Variants in ZNF48 observed in about 807,000 individuals in gnomAD.
ZNF48 encodes the protein zinc finger protein 553.
In ZNF48, 20 loss-of-function variants were observed where a neutral mutation model predicts 40.0. That is an observed-to-expected ratio of 0.50 (90% CI 0.35 to 0.73). ZNF48 has a LOEUF of 0.73. Ranked by LOEUF, ZNF48 falls within the 30% of genes least tolerant of loss-of-function variation. The pLI is 0.01. For synonymous variants in ZNF48, 298 were observed against 329.7 expected (o/e 0.90, Z 1.04); for missense variants, 726 against 851.9 (o/e 0.85, Z 1.84).
intron 1 of ZNF48, chr16:30,379,031 GATCGCGAGCCCC>G (rs2049799278): frequency 6.2e-7 from 1 of 1,612,666 alleles, no homozygotes. Flanking sequence ...CGGCTGGCTC[GATCGCGAGCCCC>G]AGGCCGGGCC....
rs2049864946 is a variant in ZNF48, at chr16:30,382,511, GTGTA to G, written c.-16+4102_-16+4105del. The G allele has an allele frequency of 1.9e-6, 3 of 1,597,386 alleles. No individual in the cohort carries two copies. Among genetic ancestry groups the G allele is most frequent in the African/African-American group, 2.7e-5 (2 of 74,698 alleles). On this transcript the variant is annotated intron_variant, in intron 1 of 2. Coordinates refer to the ZNF48 transcript ENST00000528032. The surrounding 1 kb of genome is among the most constrained non-coding windows in gnomAD (Gnocchi z 4.8). Reference sequence around the variant, plus strand: ...GGGGCCGAGATGCCCAGGTTTCTGGGTGTAAGGACTCACCATGACTCCGCCAGCC... The same window carrying G: ...GGGGCCGAGATGCCCAGGTTTCTGGGAGGACTCACCATGACTCCGCCAGCC...
intron 1 of ZNF48, chr16:30,379,301 C>T: frequency 6.8e-7 from 1 of 1,463,564 alleles, no homozygotes; most frequent in Non-Finnish European, 9.4e-7. Flanking sequence ...CCGCGGTCTG[C>T]AGCCCAGCGA....
Position 30,399,987 on chromosome 16 carries a change from T to G in ZNF48, c.*880T>G, listed in dbSNP as rs924488358. The G allele has an allele frequency of 6.6e-6, 1 of 152,252 alleles. No individual in the cohort carries two copies. Among genetic ancestry groups the G allele is most frequent in the Non-Finnish European group, 1.5e-5 (1 of 68,080 alleles). The allele number at this position is 152,252 out of a possible 1,614,324, so 9.4% of individuals were successfully genotyped here. A position where few individuals can be genotyped will look rare whatever the true frequency, so the allele number is the denominator to read the frequency against. On this transcript the variant is annotated 3_prime_UTR_variant, in exon 3 of 3. Transcript: ENST00000613509. ...CTTCTCTTCTGAGGCTTGGACAGTG[T>G]GTGTGTACACACAGGCATGAAAAAG...
In ZNF48 at chr16:30,399,124, C is replaced by G. The variant is rs4788413; in HGVS notation, c.*17C>G. On this transcript the variant is annotated 3_prime_UTR_variant, in exon 3 of 3. Coordinates refer to ENST00000613509, the MANE Select transcript of ZNF48 (RefSeq NM_001214909.2). ...CTGGAATGACGCGGTCCAGGGAGGG[C>G]GGAGGCCCAGGAGACCAAAGGGAGG... is the stretch of plus-strand genomic sequence containing the variant. The G allele has an allele frequency of 1.3e-6, 2 of 1,538,954 alleles. No homozygotes were observed. Among genetic ancestry groups the G allele is most frequent in the South Asian group, 1.2e-5 (1 of 81,430 alleles).
At chr16:30,392,216 G>C (rs1478364813), upstream of ZNF48, among the ~76,000 whole-genome samples, 1 of 152,068 alleles carries the variant, frequency 6.6e-6, no homozygotes, top group African/African-American at 2.4e-5. Flanking sequence ...GTAGAGACGG[G>C]GTTTCACTGT....
At chr16:30,386,266 G>A (rs184444105) in intron 1 of ZNF48, among the ~76,000 whole-genome samples, 16 of 152,122 alleles carry the variant, frequency 1.1e-4, no homozygotes, top group Admixed American at 9.2e-4. Context: ...GTGACAGAGC[G>A]AGACCCTGTC....
At position 30,382,464 on chromosome 16, in the gene ZNF48, G is replaced by C; in HGVS notation, c.-16+4054G>C. 1.3e-6 allele frequency: 2 copies of C among 1,565,118 alleles called. No individual in the cohort carries two copies. Among genetic ancestry groups the C allele is most frequent in the Non-Finnish European group, 8.8e-7 (1 of 1,141,380 alleles). ...GGCTAGGAAGAGTCAGTGGGGTCTG[G>C]GGACCCCAGGCATGGGGGCTGGGGG... On this transcript the variant is annotated intron_variant, in intron 1 of 2. Coordinates refer to the ZNF48 transcript ENST00000528032. This position sits in a 1 kb window ranked among gnomAD's most constrained non-coding sequence, Gnocchi z 4.8.
intron 1 of ZNF48, chr16:30,378,451 G>A: frequency 6.4e-7 from 1 of 1,572,282 alleles, no homozygotes; most frequent in Non-Finnish European, 8.6e-7. Context: ...GCGTCTGACT[G>A]CTCGCCCTGG....
chr16:30,380,836 A>G (rs1176936889), intron 1 of ZNF48: 1 of 463,906 alleles, frequency 2.2e-6, no homozygotes, highest in Non-Finnish European at 3.9e-6. Context: ...AAGGGCTCTG[A>G]AGACACGGGG....
At chr16:30,389,001 CTGT>C (rs2049921457) in intron 1 of ZNF48, among the ~76,000 whole-genome samples, 1 of 152,178 alleles carries the variant, frequency 6.6e-6, no homozygotes, top group Non-Finnish European at 1.5e-5. Flanking sequence ...TGGCTCACGC[CTGT>C]AATCCCAGCA....
chr16:30,392,872 G>T (rs1353459302), upstream of ZNF48, among the ~76,000 whole-genome samples: 1 of 152,088 alleles, frequency 6.6e-6, no homozygotes, highest in East Asian at 1.9e-4. Flanking sequence ...ATCCTATTGG[G>T]CCAAGAGCTC....
chr16:30,399,092 A>C lies in ZNF48; in HGVS notation c.1842A>C (p.Ala614=). Residue 614 remains alanine (A), a synonymous_variant, in exon 3 of 3, where the codon GCA becomes GCC. Transcript: ENST00000613509. ...CAAGGCCCCTCAAGCAGGAGGCAGC[A>C]ACAGGACTGGAATGACGCGGTCCAG... is the stretch of plus-strand genomic sequence containing the variant. ...GRARPLKQEA[A]TGLE The C allele has an allele frequency of 1.3e-6, 2 of 1,593,750 alleles. No individual in the cohort carries two copies. Among genetic ancestry groups the C allele is most frequent in the Non-Finnish European group, 1.7e-6 (2 of 1,169,538 alleles).
At chr16:30,385,263 C>T (rs1228336101) in intron 1 of ZNF48, among the ~76,000 whole-genome samples, 1 of 151,634 alleles carries the variant, frequency 6.6e-6, no homozygotes, top group Non-Finnish European at 1.5e-5. Context: ...CATGTTACCT[C>T]TCAGCACTCC....
intron 1 of ZNF48, chr16:30,378,486 T>C: frequency 1.3e-6 from 2 of 1,577,062 alleles, no homozygotes; most frequent in Non-Finnish European, 1.7e-6. Context: ...CATTTGGGCC[T>C]GCATCTTCTC....
chr16:30,387,138 T>C (rs2049907193), intron 1 of ZNF48, among the ~76,000 whole-genome samples: 2 of 149,334 alleles, frequency 1.3e-5, no homozygotes, highest in South Asian at 2.1e-4. Context: ...AGAGACAGGG[T>C]TTCACCGTGT....
intron 1 of ZNF48, among the ~76,000 whole-genome samples, chr16:30,383,573 GCT>G (rs2151112637): frequency 6.6e-6 from 1 of 152,298 alleles, no homozygotes; most frequent in African/African-American, 2.4e-5. Context: ...ACATTTTCCA[GCT>G]CAGACAATGG....
chr16:30,390,600 G>GTTT, upstream of ZNF48, among the ~76,000 whole-genome samples: 1 of 103,780 alleles, frequency 9.6e-6, no homozygotes, highest in Non-Finnish European at 1.9e-5. Flanking sequence ...AGTAGAGACG[G>GTTT]GTTTTTTTTT....
Position 30,381,326 on chromosome 16 carries a change from C to T in ZNF48, c.-16+2916C>T, listed in dbSNP as rs773826832. 3 of 1,593,882 alleles carry T rather than the reference C, an allele frequency of 1.9e-6. No homozygotes were observed. The highest frequency in any genetic ancestry group is 2.2e-5 in the South Asian group (2 of 90,580). ...CCCTAAATGCGCCAGCCCCCAGGAT[C>T]CCCCCACCAGACCCCCGGCCGAAGG... is the stretch of plus-strand genomic sequence containing the variant. On this transcript the variant is annotated intron_variant, in intron 1 of 2. Transcript: ENST00000528032. The surrounding 1 kb of genome is among the most constrained non-coding windows in gnomAD (Gnocchi z 4.3).
chr16:30,392,189 A>AT (rs1431924594), upstream of ZNF48, among the ~76,000 whole-genome samples: 1 of 151,796 alleles, frequency 6.6e-6, no homozygotes, highest in African/African-American at 2.4e-5. Context: ...CGCCCATCTA[A>AT]TTTTTTTGTA....
Sources: allele counts gnomAD v4.1 joint callset (sites outside exome capture counted in the v4.1 genomes callset), GRCh38; gene constraint gnomAD v4.1.1; non-coding constraint Gnocchi (gnomAD v3.1); transcripts MANE v1.5; gene names NCBI Gene and HGNC (gene_info 2026-07-23, HGNC 2026-07-21).